Variants in LRCH2 observed in about 807,000 individuals in gnomAD.
The protein encoded by LRCH2 is leucine rich repeats and calponin homology domain containing 2.
LRCH2 carries 38 observed loss-of-function variants against 68.9 expected under a neutral mutation model. The observed-to-expected ratio is 0.55, with a 90% CI of 0.43 to 0.72. The LOEUF (loss-of-function observed/expected upper bound fraction) is 0.72, where lower values mean the gene tolerates loss of function less well. Among genes scored for constraint, LRCH2 ranks in the 30% least tolerant of loss-of-function variants. The probability of loss-of-function intolerance (pLI) is 0.00; values close to 1 mark genes in which losing one functional copy is unlikely to be tolerated. For missense variants in LRCH2, 528 were observed against 572.9 expected, an observed-to-expected ratio of 0.92 and a Z score of 0.80; for synonymous variants, 191 against 208.1, an observed-to-expected ratio of 0.92 and a Z score of 0.71.
intron 1 of LRCH2, chrX:115,189,301 C>T: frequency 5.1e-6 from 3 of 583,260 alleles, no homozygotes; most frequent in South Asian, 3.2e-5. Flanking sequence ...AGAACTATGA[C>T]GTAAGGTACT....
At chrX:115,176,877 G>A (rs782126998) in intron 5 of LRCH2, among the ~76,000 whole-genome samples, 1 of 106,268 alleles carries the variant, frequency 9.4e-6, no homozygotes, top group Admixed American at 1.0e-4. Context: ...CTCCCCAGTA[G>A]CTGAGACTAC....
At chrX:115,166,371 T>A in intron 6 of LRCH2, 29 bp from the exon 7 acceptor site, 1 of 992,650 alleles carries the variant, frequency 1.0e-6, no homozygotes. Flanking sequence ...TAAGAGCAGT[T>A]AGGATTTTCT....
At chrX:115,183,812 G>T (rs920813956) in intron 3 of LRCH2, among the ~76,000 whole-genome samples, 1 of 112,549 alleles carries the variant, frequency 8.9e-6, no homozygotes, top group Non-Finnish European at 1.9e-5. Context: ...AAAAATAGCT[G>T]AAAGCTTCGA....
chrX:115,183,588 G>C (rs1369685621), intron 3 of LRCH2, among the ~76,000 whole-genome samples: 1 of 110,766 alleles, frequency 9.0e-6, no homozygotes, highest in Admixed American at 9.7e-5. Flanking sequence ...CCAACGACTT[G>C]GGAGGCTGAG....
At chrX:115,213,207 T>C (rs912395597) in intron 1 of LRCH2, among the ~76,000 whole-genome samples, 5 of 111,985 alleles carry the variant, frequency 4.5e-5, no homozygotes, top group African/African-American at 1.6e-4. Flanking sequence ...GTCTCACTTG[T>C]AAGATGCGCA....
chrX:115,204,131 A>T (rs2072949273), intron 1 of LRCH2, among the ~76,000 whole-genome samples: 2 of 113,061 alleles, frequency 1.8e-5, no homozygotes, highest in Admixed American at 9.3e-5. Flanking sequence ...GCACCCTCTG[A>T]GGCAACATTA....
chrX:115,192,049 G>T (rs1252288048), intron 1 of LRCH2: 2 of 1,166,716 alleles, frequency 1.7e-6, no homozygotes. Context: ...CCGCTCGCAC[G>T]ACACCCACAG....
intron 1 of LRCH2, among the ~76,000 whole-genome samples, chrX:115,213,272 G>A (rs1363433590): frequency 9.0e-6 from 1 of 111,699 alleles, no homozygotes; most frequent in Non-Finnish European, 1.9e-5. Flanking sequence ...TTTTCCAGCA[G>A]GGCTTAGAAG....
chrX:115,210,133 C>T (rs1286563479), intron 1 of LRCH2, among the ~76,000 whole-genome samples: 1 of 112,086 alleles, frequency 8.9e-6, no homozygotes, highest in Non-Finnish European at 1.9e-5. Context: ...CAGAAATTTG[C>T]ATAAGTATCC....
At chrX:115,150,347 T>G (rs1442970496) in intron 12 of LRCH2, among the ~76,000 whole-genome samples, 1 of 110,931 alleles carries the variant, frequency 9.0e-6, no homozygotes, top group South Asian at 3.7e-4. Context: ...AAGTGAAATA[T>G]CTAAAGATAT....
chrX:115,140,589 A>G (rs1002823845), intron 14 of LRCH2, among the ~76,000 whole-genome samples: 2 of 110,251 alleles, frequency 1.8e-5, no homozygotes, highest in African/African-American at 6.6e-5. Context: ...CTTGGGCAGC[A>G]TTTCTGGACC....
chrX:115,201,020 G>A (rs2072926457), intron 1 of LRCH2, among the ~76,000 whole-genome samples: 1 of 111,677 alleles, frequency 9.0e-6, no homozygotes, highest in African/African-American at 3.3e-5. Flanking sequence ...AAACAAAGAG[G>A]TTTATTGGAC....
At chrX:115,123,291 A>T (rs2072159947) in intron 17 of LRCH2, 99 bp from the exon 18 acceptor site, 1 of 554,765 alleles carries the variant, frequency 1.8e-6, no homozygotes, top group South Asian at 3.2e-5. Flanking sequence ...AAATTACATA[A>T]AATATTATTA....
At chrX:115,190,618 A>AGAGGCCGCGCGCCCAACGCCCACAGCG in intron 1 of LRCH2, 1 of 1,153,592 alleles carries the variant, frequency 8.7e-7, no homozygotes, top group Middle Eastern at 2.3e-4. Flanking sequence ...CGAGGAGTAC[A>AGAGGCCGCGCGCCCAACGCCCACAGCG]GAGGCCGCTC....
intron 1 of LRCH2, among the ~76,000 whole-genome samples, chrX:115,198,131 T>C (rs782352544): frequency 2.8e-4 from 30 of 107,370 alleles, no homozygotes; most frequent in African/African-American, 9.2e-4. Context: ...GTTTGTTACA[T>C]AGGTATACAT....
chrX:115,218,356 C>T (rs1458936922), intron 1 of LRCH2, among the ~76,000 whole-genome samples: 2 of 111,869 alleles, frequency 1.8e-5, no homozygotes, highest in Non-Finnish European at 3.8e-5. Context: ...GAGGCAGGGC[C>T]GTTTCACGCT....
chrX:115,171,356 T>TAA (rs2072603352), intron 5 of LRCH2, among the ~76,000 whole-genome samples: 1 of 111,578 alleles, frequency 9.0e-6, no homozygotes, highest in African/African-American at 3.2e-5. Flanking sequence ...AAAGGAAAAT[T>TAA]AAAACTTTTG....
intron 1 of LRCH2, among the ~76,000 whole-genome samples, chrX:115,227,622 A>G (rs2073127837): frequency 9.2e-6 from 1 of 108,409 alleles, no homozygotes; most frequent in Non-Finnish European, 1.9e-5. Flanking sequence ...CAAGTAGCTC[A>G]AAATACTAAG....
chrX:115,136,506 C>T (rs1423706802), intron 14 of LRCH2, among the ~76,000 whole-genome samples: 1 of 109,167 alleles, frequency 9.2e-6, no homozygotes, highest in African/African-American at 3.3e-5. Flanking sequence ...CCTTTTTTCC[C>T]CACATATTTT....
Sources: gnomAD v4.1 joint callset for allele counts (sites outside exome capture counted in the v4.1 genomes callset) on GRCh38, gnomAD v4.1.1 for gene constraint, MANE v1.5 for transcripts, NCBI Gene and HGNC (gene_info 2026-07-23, HGNC 2026-07-21) for gene names.